HSD17B2: variants seen among roughly 807,000 people sequenced by gnomAD.
The protein encoded by HSD17B2 is hydroxysteroid 17-beta dehydrogenase 2.
A neutral mutation model predicts 26.9 loss-of-function variants in HSD17B2; 32 were observed. That is an observed-to-expected ratio of 1.19 (90% CI 0.90 to 1.60). The LOEUF is 1.60. HSD17B2 is among the 40% of genes most tolerant of loss of function. The pLI is 0.00. For synonymous variants in HSD17B2, 246 were observed against 186.7 expected (o/e 1.32, Z -2.59); for missense variants, 613 against 468.6 (o/e 1.31, Z -2.85).
intron 2 of HSD17B2, among the ~76,000 whole-genome samples, chr16:82,070,614 A>T (rs943958562): frequency 6.6e-6 from 1 of 152,244 alleles, no homozygotes; most frequent in Non-Finnish European, 1.5e-5. Context: ...TAAGCACCTT[A>T]ACAAGGACTA....
intron 3 of HSD17B2, among the ~76,000 whole-genome samples, chr16:82,085,962 A>AC (rs1243921086): frequency 1.3e-5 from 2 of 150,958 alleles, no homozygotes; most frequent in East Asian, 3.9e-4. Flanking sequence ...TAAAAAAAAA[A>AC]CACACAGAAA....
chr16:82,073,008 C>G (rs1366137766), intron 3 of HSD17B2, among the ~76,000 whole-genome samples: 2 of 152,132 alleles, frequency 1.3e-5, no homozygotes, highest in Admixed American at 1.3e-4. Context: ...CTGCAGTAAG[C>G]TGTGTTCATG....
rs759978874 is a variant in HSD17B2, at chr16:82,098,060, T to A, written c.803-15T>A. ...CCTTCCCAGGATCTGACTCTTCCCTTTCCTTTCACCCCAGATATCGCAGGC... is the reference window on the plus strand; with the variant it reads ...CCTTCCCAGGATCTGACTCTTCCCTATCCTTTCACCCCAGATATCGCAGGC... On this transcript the variant is annotated splice_polypyrimidine_tract_variant and intron_variant, in intron 4 of 4. Coordinates refer to ENST00000199936, the MANE Select transcript of HSD17B2 (RefSeq NM_002153.3). 1.8e-5 allele frequency: 28 copies of A among 1,598,004 alleles called. No homozygotes were observed. The highest frequency in any genetic ancestry group is 2.2e-5 in the Non-Finnish European group (26 of 1,171,140).
At chr16:82,060,678 T>A (rs564442443) in intron 1 of HSD17B2, among the ~76,000 whole-genome samples, 2 of 152,280 alleles carry the variant, frequency 1.3e-5, no homozygotes, top group South Asian at 4.1e-4. Context: ...CCATAAGAAG[T>A]GAGATTCCAC....
intron 4 of HSD17B2, chr16:82,097,206 A>ATATGTCTATGTC (rs75021219): frequency 4.2e-4 from 41 of 97,086 alleles, no homozygotes; most frequent in African/African-American, 1.1e-3. Context: ...ATTTCTGTGT[A>ATATGTCTATGTC]TATGTCTATG....
At chr16:82,045,059 G>A (rs770481861) in intron 1 of HSD17B2, among the ~76,000 whole-genome samples, 3 of 145,764 alleles carry the variant, frequency 2.1e-5, no homozygotes, top group Non-Finnish European at 4.5e-5. Context: ...AGAGGCAGAG[G>A]TTGCAGTGAG....
chr16:82,040,113 A>G (rs1254585493), intron 1 of HSD17B2, among the ~76,000 whole-genome samples: 1 of 152,202 alleles, frequency 6.6e-6, no homozygotes, highest in African/African-American at 2.4e-5. Flanking sequence ...TCAAAACTGG[A>G]TATATTGGAG....
rs1332950445 is a variant in HSD17B2, at chr16:82,071,038, A to G, written c.575A>G (p.Asn192Ser). The change falls in exon 3 of 5, where the codon AAC (asparagine) becomes AGC (serine). Residue 192 changes from asparagine to serine, a missense_variant. By Grantham distance (46) the Asn-to-Ser change is conservative. Transcript: ENST00000199936. ...GACTACAAACAATGCATGGCCGTGAACTTCTTTGGAACTGTGGAGGTCACA... is the reference window on the plus strand; with the variant it reads ...GACTACAAACAATGCATGGCCGTGAGCTTCTTTGGAACTGTGGAGGTCACA... ...MTDYKQCMAV[N>S]FFGTVEVTKT... 3 of 1,614,186 alleles carry G rather than the reference A, an allele frequency of 1.9e-6. No homozygotes were observed. Among genetic ancestry groups the G allele is most frequent in the Non-Finnish European group, 2.5e-6 (3 of 1,180,016 alleles).
At chr16:82,058,423 T>G (rs1453979435) in intron 1 of HSD17B2, among the ~76,000 whole-genome samples, 1 of 152,216 alleles carries the variant, frequency 6.6e-6, no homozygotes, top group East Asian at 1.9e-4. Context: ...GAACTCTCGG[T>G]ACTAGCTTTC....
chr16:82,045,703 TAGC>T (rs1274435547), intron 1 of HSD17B2, among the ~76,000 whole-genome samples: 1 of 152,252 alleles, frequency 6.6e-6, no homozygotes, highest in Admixed American at 6.5e-5. Context: ...CCTCTTTTTG[TAGC>T]AGACTTGCTT....
At chr16:82,087,978 G>T (rs1904577635) in intron 3 of HSD17B2, among the ~76,000 whole-genome samples, 1 of 152,142 alleles carries the variant, frequency 6.6e-6, no homozygotes, top group Non-Finnish European at 1.5e-5. Context: ...CTGTTTCATT[G>T]GGGATTAAGT....
intron 3 of HSD17B2, among the ~76,000 whole-genome samples, chr16:82,074,111 C>T (rs1712737006): frequency 1.3e-5 from 2 of 152,146 alleles, no homozygotes; most frequent in Admixed American, 1.3e-4. Flanking sequence ...TAAGGATTCC[C>T]TATTCAATAA....
At position 82,051,719 on chromosome 16, in the gene HSD17B2, C is replaced by T. The variant is rs138579036; in HGVS notation, c.265+16030C>T. 3.0e-3 allele frequency among the ~76,000 whole-genome samples: 457 copies of T among 152,170 alleles called. 3 individuals carry two copies. Among genetic ancestry groups the T allele is most frequent in the African/African-American group, 9.9e-3 (410 of 41,516 alleles). Reference sequence around the variant, plus strand: ...ACCTGTAAGTTCTGCACATGTATCCCGGAATTTAAAGTAAAATAAAAAAAG... The same window carrying T: ...ACCTGTAAGTTCTGCACATGTATCCTGGAATTTAAAGTAAAATAAAAAAAG... On this transcript the variant is annotated intron_variant, in intron 1 of 4. Coordinates refer to ENST00000199936, the MANE Select transcript of HSD17B2 (RefSeq NM_002153.3).
At position 82,070,845 on chromosome 16, in the gene HSD17B2, C is replaced by T. The variant is rs954163336; in HGVS notation, c.479-97C>T. The T allele has an allele frequency of 5.1e-6, 6 of 1,168,764 alleles. No individual in the cohort carries two copies. The East Asian group carries it at 9.5e-5, about 19-fold the overall frequency. The allele number at this position is 1,168,764 out of a possible 1,614,324, so 72.4% of individuals were successfully genotyped here. A position where few individuals can be genotyped will look rare whatever the true frequency, so the allele number is the denominator to read the frequency against. ...CTCTAATCCCCCAGGAGACCTGGCT[C>T]ACACGTAACACCTCTTGCATGGTCT... On this transcript the variant is annotated intron_variant, in intron 2 of 4. Coordinates refer to ENST00000199936, the MANE Select transcript of HSD17B2 (RefSeq NM_002153.3).
At chr16:82,037,268 T>C (rs1259549047) in intron 1 of HSD17B2, among the ~76,000 whole-genome samples, 1 of 152,274 alleles carries the variant, frequency 6.6e-6, no homozygotes, top group Non-Finnish European at 1.5e-5. Flanking sequence ...TTCTTTGTTA[T>C]TTTCAAGTTC....
At chr16:82,084,457 C>A (rs9788807) in intron 3 of HSD17B2, among the ~76,000 whole-genome samples, 80,497 of 151,904 alleles carry the variant, frequency 0.53, 21,780 homozygotes, top group Middle Eastern at 0.68. Context: ...GTGCTTAGCA[C>A]AGTTACTGGT....
chr16:82,061,129 G>A (rs1177782024), intron 1 of HSD17B2, among the ~76,000 whole-genome samples: 1 of 151,914 alleles, frequency 6.6e-6, no homozygotes, highest in African/African-American at 2.4e-5. Context: ...CATGGTGGCA[G>A]GTGCATGTAA....
intron 4 of HSD17B2, chr16:82,095,415 A>C (rs898122956): frequency 6.5e-5 from 10 of 152,796 alleles, no homozygotes; most frequent in African/African-American, 2.2e-4. Flanking sequence ...GATATCCAGG[A>C]GTCACCGAAG....
intron 4 of HSD17B2, chr16:82,093,096 C>T (rs1257956233): frequency 6.6e-6 from 1 of 152,052 alleles, no homozygotes; most frequent in African/African-American, 2.4e-5. Flanking sequence ...AATATATAAA[C>T]AGAAAAAAGC....
Sources: allele counts gnomAD v4.1 joint callset (sites outside exome capture counted in the v4.1 genomes callset), GRCh38; gene constraint gnomAD v4.1.1; transcripts MANE v1.5; gene names NCBI Gene and HGNC (gene_info 2026-07-23, HGNC 2026-07-21).